Variants in ATP6V1G3 observed in about 807,000 individuals in gnomAD.
ATP6V1G3 encodes V-type proton ATPase subunit G 3.
A neutral mutation model predicts 9.3 loss-of-function variants in ATP6V1G3; 9 were observed. That is an observed-to-expected ratio of 0.97 (90% CI 0.59 to 1.69). The LOEUF (loss-of-function observed/expected upper bound fraction) is 1.69, where lower values mean the gene tolerates loss of function less well. ATP6V1G3 is among the 40% of genes most tolerant of loss of function. The pLI is 0.00. For synonymous variants in ATP6V1G3, 43 were observed against 43.8 expected (o/e 0.98, Z 0.07); for missense variants, 133 against 139.0 (o/e 0.96, Z 0.22).
chr1:198,537,363 T>TA (rs1165643201), intron 1 of ATP6V1G3, among the ~76,000 whole-genome samples: 4 of 152,204 alleles, frequency 2.6e-5, no homozygotes, highest in African/African-American at 9.6e-5. Flanking sequence ...CTGAAATGAT[T>TA]AACATGTGAA....
intron 2 of ATP6V1G3, among the ~76,000 whole-genome samples, chr1:198,528,275 T>C (rs1367948813): frequency 6.6e-6 from 1 of 152,162 alleles, no homozygotes; most frequent in Non-Finnish European, 1.5e-5. Flanking sequence ...CTACATGAAC[T>C]CCTTATCCAT....
chr1:198,539,391 A>G (rs1660257638), intron 1 of ATP6V1G3, among the ~76,000 whole-genome samples: 1 of 152,210 alleles, frequency 6.6e-6, no homozygotes, highest in African/African-American at 2.4e-5. Context: ...CTGTTTTGCC[A>G]GACTGAATCT....
At chr1:198,535,092 G>A (rs895111416) in intron 1 of ATP6V1G3, among the ~76,000 whole-genome samples, 1 of 151,918 alleles carries the variant, frequency 6.6e-6, no homozygotes, top group African/African-American at 2.4e-5. Context: ...TGTAGCTCCT[G>A]GACTGAATAT....
At chr1:198,530,583 G>T (rs1044970125) in intron 1 of ATP6V1G3, among the ~76,000 whole-genome samples, 1 of 152,098 alleles carries the variant, frequency 6.6e-6, no homozygotes, top group Non-Finnish European at 1.5e-5. Context: ...GAGATCTGCT[G>T]AAAACTACTG....
intron 1 of ATP6V1G3, among the ~76,000 whole-genome samples, chr1:198,539,045 G>A (rs1242443407): frequency 1.3e-5 from 2 of 152,172 alleles, no homozygotes; most frequent in African/African-American, 2.4e-5. Flanking sequence ...TCCACACTTC[G>A]TTGTAGAAAA....
intron 1 of ATP6V1G3, among the ~76,000 whole-genome samples, chr1:198,539,049 T>C (rs572353336): frequency 2.6e-5 from 4 of 152,322 alleles, no homozygotes; most frequent in African/African-American, 9.6e-5. Flanking sequence ...CACTTCGTTG[T>C]AGAAAAAGAA....
In ATP6V1G3 at chr1:198,523,550, C is replaced by A; in HGVS notation, c.198G>T (p.Gln66His). The change falls in exon 3 of 3, where the codon CAG (glutamine) becomes CAT (histidine). Residue 66 changes from glutamine (Q) to histidine (H), a missense_variant. By Grantham distance (24) the Gln-to-His change is conservative. Transcript: ENST00000367382. ...CTTCTATTTCATCTGAGAGATTATT[C>A]TGAGAGCCCATTATCTACCAAAACA... is the stretch of plus-strand genomic sequence containing the variant. ...RLKQSKIMGS[Q>H]NNLSDEIEEQ... is the part of the protein sequence containing the mutation. 7 of 1,612,080 alleles carry A rather than the reference C, an allele frequency of 4.3e-6. No individual in the cohort carries two copies. The South Asian group carries it at 7.7e-5, about 18-fold the overall frequency.
intron 1 of ATP6V1G3, among the ~76,000 whole-genome samples, chr1:198,532,147 T>C (rs1659927011): frequency 6.6e-6 from 1 of 152,052 alleles, no homozygotes; most frequent in African/African-American, 2.4e-5. Context: ...GAGATTTGCA[T>C]ATTAGTCATT....
chr1:198,531,462 C>T (rs758450744), intron 1 of ATP6V1G3, among the ~76,000 whole-genome samples: 7 of 152,076 alleles, frequency 4.6e-5, no homozygotes, highest in Non-Finnish European at 8.8e-5. Flanking sequence ...GGAGAAAAGA[C>T]ATTTGGACTG....
chr1:198,531,599 C>T (rs1295673308), intron 1 of ATP6V1G3, among the ~76,000 whole-genome samples: 1 of 152,114 alleles, frequency 6.6e-6, no homozygotes, highest in Non-Finnish European at 1.5e-5. Context: ...TTAGGACAGG[C>T]CAGGTGAACT....
rs573339738 is a variant in ATP6V1G3, at chr1:198,530,005, G to C, written c.83-824C>G. Among the ~76,000 whole-genome samples, 4 of 152,106 alleles carry C rather than the reference G, an allele frequency of 2.6e-5. No homozygotes were observed. In the South Asian group the frequency reaches 8.3e-4, roughly 32 times the overall value. ...TTTTTGACAACCAGAGTAAGTTTGGGGGGGGTTACAGACAAATATTAATTG... is the reference window on the plus strand; with the variant it reads ...TTTTTGACAACCAGAGTAAGTTTGGCGGGGGTTACAGACAAATATTAATTG... On this transcript the variant is annotated intron_variant, in intron 1 of 2. Transcript: ENST00000367382.
chr1:198,537,116 G>A (rs1660146262), intron 1 of ATP6V1G3, among the ~76,000 whole-genome samples: 1 of 152,138 alleles, frequency 6.6e-6, no homozygotes, highest in Non-Finnish European at 1.5e-5. Context: ...AGTAGCTGGT[G>A]GATGTCTTGA....
upstream of ATP6V1G3, chr1:198,540,885 A>C: frequency 1.8e-6 from 1 of 564,156 alleles, no homozygotes; most frequent in Non-Finnish European, 3.2e-6. Context: ...CATTTCTGCC[A>C]ATCTTAGCTC....
chr1:198,529,589 G>A (rs1659813927), intron 1 of ATP6V1G3, among the ~76,000 whole-genome samples: 2 of 152,010 alleles, frequency 1.3e-5, no homozygotes, highest in African/African-American at 2.4e-5. Context: ...TTGATTTGCT[G>A]CCAGAATCCT....
At chr1:198,531,234 G>C (rs901934867) in intron 1 of ATP6V1G3, among the ~76,000 whole-genome samples, 1 of 152,126 alleles carries the variant, frequency 6.6e-6, no homozygotes, top group Non-Finnish European at 1.5e-5. Flanking sequence ...AGCTGCTGCT[G>C]TGTAAGAGCC....
intron 1 of ATP6V1G3, among the ~76,000 whole-genome samples, chr1:198,534,743 G>T (rs1269416988): frequency 6.6e-6 from 1 of 152,180 alleles, no homozygotes; most frequent in Non-Finnish European, 1.5e-5. Context: ...GGTAATGTTT[G>T]AAGATTTCTG....
chr1:198,529,020 CT>C, intron 2 of ATP6V1G3, 60 bp downstream of exon 2: 1 of 776,968 alleles, frequency 1.3e-6, no homozygotes, highest in Non-Finnish European at 2.1e-6. Flanking sequence ...TATATTAAAC[CT>C]TATAAATATG....
chr1:198,537,807 T>C (rs1660177722), intron 1 of ATP6V1G3, among the ~76,000 whole-genome samples: 1 of 152,202 alleles, frequency 6.6e-6, no homozygotes, highest in Non-Finnish European at 1.5e-5. Flanking sequence ...GGCCTGGAAT[T>C]AGTAGATACC....
At chr1:198,540,420 G>A (rs1398413447) in intron 1 of ATP6V1G3, 149 bp downstream of exon 1, 1 of 725,628 alleles carries the variant, frequency 1.4e-6, no homozygotes. Flanking sequence ...CATATGGCTG[G>A]GTAATTTTAA....
Sources: allele counts gnomAD v4.1 joint callset (sites outside exome capture counted in the v4.1 genomes callset), GRCh38; gene constraint gnomAD v4.1.1; transcripts MANE v1.5; gene names NCBI Gene and HGNC (gene_info 2026-07-23, HGNC 2026-07-21).